The following GLE1 variants were observed in gnomAD, a reference collection of about 807,000 sequenced individuals.
GLE1 encodes GLE1 RNA export mediator, also known as mRNA export factor GLE1.
Under a neutral mutation model 97.3 loss-of-function variants are expected in GLE1, and 78 were observed. The observed-to-expected ratio is 0.80, with a 90% confidence interval of 0.67 to 0.97. The LOEUF is 0.97. GLE1 is among the 50% of genes least tolerant of loss of function. GLE1 has a pLI of 0.00. For synonymous variants in GLE1, 302 were observed against 313.4 expected (o/e 0.96, Z 0.39); for missense variants, 753 against 857.5 (o/e 0.88, Z 1.52).
At chr9:128,527,038 GATAATA>G (rs1331795658) in intron 7 of GLE1, 135 bp from the exon 8 acceptor site, 10 of 674,744 alleles carry the variant, frequency 1.5e-5, no homozygotes, top group Non-Finnish European at 2.7e-5. Flanking sequence ...ATAAAATGGA[GATAATA>G]ATAGTATCTA....
At chr9:128,525,745 C>T (rs189792555) in intron 7 of GLE1, among the ~76,000 whole-genome samples, 5 of 151,914 alleles carry the variant, frequency 3.3e-5, no homozygotes, top group Admixed American at 3.3e-4. Flanking sequence ...GCCAACATGC[C>T]GAAACTCCCA....
Position 128,515,601 on chromosome 9 carries a change from G to A in GLE1, c.394G>A (p.Val132Ile), listed in dbSNP as rs530867627. ...SSRGIKVEGCVRMYELVHRMK... is the reference protein window; with the variant it reads ...SSRGIKVEGCIRMYELVHRMK... ...ACGGGGGATCAAAGTGGAAGGCTGC[G>A]TCCGAATGTACGAACTGGTACACAG... Residue 132 changes from valine to isoleucine, a missense_variant, in exon 3 of 16, where the codon GTC (valine) becomes ATC (isoleucine). Val to Ile is a conservative substitution (Grantham distance 29). Coordinates refer to ENST00000309971, the MANE Select transcript of GLE1 (RefSeq NM_001003722.2). 64 of 1,604,818 alleles carry A rather than the reference G, an allele frequency of 4.0e-5. No homozygotes were observed. The highest frequency in any genetic ancestry group is 5.0e-5 in the Admixed American group (3 of 59,982).
At chr9:128,535,627 C>T (rs1847682030) in intron 11 of GLE1, among the ~76,000 whole-genome samples, 1 of 151,546 alleles carries the variant, frequency 6.6e-6, no homozygotes, top group Non-Finnish European at 1.5e-5. Flanking sequence ...TCAAGACCAG[C>T]CTGGCCAACA....
intron 11 of GLE1, 31 bp downstream of exon 11, chr9:128,533,982 C>T (rs747088026): frequency 7.7e-7 from 1 of 1,306,600 alleles, no homozygotes; most frequent in Non-Finnish European, 1.1e-6. Context: ...ACTCACTATC[C>T]CTAGAGTGAT....
chr9:128,533,663 A>G lies in GLE1; in HGVS notation c.1455+8A>G, dbSNP rs774513154. The G allele has an allele frequency of 6.2e-7, 1 of 1,614,048 alleles. No homozygotes were observed. The highest frequency in any genetic ancestry group is 2.2e-5 in the East Asian group (1 of 44,872). On this transcript the variant is annotated splice_region_variant and intron_variant, in intron 10 of 15. Coordinates refer to ENST00000309971, the MANE Select transcript of GLE1 (RefSeq NM_001003722.2). Reference sequence around the variant, plus strand: ...CTGGCAGAGAAATTTGTGGTGAGAAACCTTGTTGCTAGAGGTATGGGAAGC... The same window carrying G: ...CTGGCAGAGAAATTTGTGGTGAGAAGCCTTGTTGCTAGAGGTATGGGAAGC...
chr9:128,521,530 T>C (rs1293438493), intron 3 of GLE1, among the ~76,000 whole-genome samples: 3 of 152,138 alleles, frequency 2.0e-5, no homozygotes, highest in African/African-American at 7.2e-5. Context: ...TGAGACCCTG[T>C]CTCAAAAATA....
chr9:128,521,519 G>A (rs577833633), intron 3 of GLE1, among the ~76,000 whole-genome samples: 1 of 152,226 alleles, frequency 6.6e-6, no homozygotes, highest in African/African-American at 2.4e-5. Context: ...ACATGACAGG[G>A]TGAGACCCTG....
At chr9:128,508,564 GCTTA>G (rs1846710180) in intron 1 of GLE1, among the ~76,000 whole-genome samples, 1 of 152,162 alleles carries the variant, frequency 6.6e-6, no homozygotes, top group Admixed American at 6.5e-5. Context: ...GTATACAGTA[GCTTA>G]CTTCAGAATT....
intron 9 of GLE1, among the ~76,000 whole-genome samples, chr9:128,531,952 A>G (rs1449559325): frequency 1.3e-5 from 2 of 151,924 alleles, no homozygotes; most frequent in African/African-American, 4.8e-5. Flanking sequence ...GTTGGAAGCT[A>G]ACTAACTTTC....
Sources: gnomAD v4.1 joint callset for allele counts (sites outside exome capture counted in the v4.1 genomes callset) on GRCh38, gnomAD v4.1.1 for gene constraint, MANE v1.5 for transcripts, NCBI Gene and HGNC (gene_info 2026-07-23, HGNC 2026-07-21) for gene names.